Variants in RIC1 observed in about 807,000 individuals in gnomAD.
RIC1 encodes the protein RIC1 partner of RAB6A GEF complex.
In RIC1, 88 loss-of-function variants were observed where a neutral mutation model predicts 169.0. The observed-to-expected ratio is 0.52, with a 90% CI of 0.44 to 0.62. RIC1 has a LOEUF of 0.62. Among genes scored for constraint, RIC1 ranks in the 20% least tolerant of loss-of-function variants. The pLI is 0.00. For missense variants in RIC1, 1,877 were observed against 1,725.5 expected (o/e 1.09, Z -1.56); for synonymous variants, 790 against 601.5 (o/e 1.31, Z -4.59).
intron 6 of RIC1, among the ~76,000 whole-genome samples, chr9:5,727,559 C>T (rs1031943297): frequency 5.9e-5 from 9 of 152,226 alleles, no homozygotes; most frequent in African/African-American, 2.2e-4. Context: ...CAAAGTCATT[C>T]TCCATCGAGC....
At chr9:5,759,324 C>T (rs1272781816) in intron 17 of RIC1, among the ~76,000 whole-genome samples, 2 of 152,152 alleles carry the variant, frequency 1.3e-5, no homozygotes, top group African/African-American at 2.4e-5. Context: ...TGCCAAAAAT[C>T]TTGAACCCAA....
chr9:5,743,659 G>A lies in RIC1; in HGVS notation c.1047-30G>A, dbSNP rs770153821. 5.8e-6 allele frequency: 9 copies of A among 1,549,964 alleles called. 2 individuals are homozygous for A. In the South Asian group the frequency reaches 9.3e-5, roughly 16 times the overall value. On this transcript the variant is annotated intron_variant, in intron 9 of 25. Transcript: ENST00000414202. ...GTGTATTATATGTAATTGGAAGGCT[G>A]TATTATATTTAGTTTCTGTTCTGTT...
chr9:5,750,897 C>A (rs1587109781), intron 12 of RIC1, among the ~76,000 whole-genome samples: 1 of 151,764 alleles, frequency 6.6e-6, no homozygotes, highest in South Asian at 2.1e-4. Context: ...TACATAGTAT[C>A]TTTAGACACA....
At chr9:5,715,723 T>C (rs1046405916) in intron 4 of RIC1, among the ~76,000 whole-genome samples, 1 of 152,194 alleles carries the variant, frequency 6.6e-6, no homozygotes, top group Admixed American at 6.5e-5. Context: ...CATCTAACTT[T>C]TGTTATTAAT....
Position 5,738,431 on chromosome 9 carries a change from T to C in RIC1, c.813-19T>C, listed in dbSNP as rs1316034275. ...ATTTGTCTTTTTTCACTAAAAGTTTTTCGTTGTTGTTTTCACAGTGGTTCT... is the reference window on the plus strand; with the variant it reads ...ATTTGTCTTTTTTCACTAAAAGTTTCTCGTTGTTGTTTTCACAGTGGTTCT... On this transcript the variant is annotated intron_variant, in intron 7 of 25. Coordinates refer to ENST00000414202, the MANE Select transcript of RIC1 (RefSeq NM_020829.4). 1 of 1,544,416 alleles carries C rather than the reference T, an allele frequency of 6.5e-7. No homozygotes were observed. Among genetic ancestry groups the C allele is most frequent in the Non-Finnish European group, 8.8e-7 (1 of 1,132,052 alleles).
intron 7 of RIC1, among the ~76,000 whole-genome samples, chr9:5,737,445 C>G (rs970111082): frequency 7.2e-5 from 11 of 152,120 alleles, no homozygotes; most frequent in Non-Finnish European, 1.3e-4. Flanking sequence ...TTCTTTGATA[C>G]TCCCTTCTCC....
chr9:5,630,850 G>T (rs1047491930), intron 1 of RIC1, among the ~76,000 whole-genome samples: 13 of 152,130 alleles, frequency 8.5e-5, no homozygotes, highest in Admixed American at 1.3e-4. Context: ...TATGCCAGTT[G>T]AATAATTTTT....
At chr9:5,632,544 T>A (rs1029785750) in intron 1 of RIC1, among the ~76,000 whole-genome samples, 2 of 152,198 alleles carry the variant, frequency 1.3e-5, no homozygotes, top group East Asian at 3.8e-4. Context: ...CTTAGCTTTT[T>A]TATATTGGAG....
At chr9:5,721,258 A>C (rs962022208) in intron 6 of RIC1, among the ~76,000 whole-genome samples, 1 of 152,302 alleles carries the variant, frequency 6.6e-6, no homozygotes, top group East Asian at 1.9e-4. Context: ...GTACTGACGC[A>C]GAAGTTTTTG....
At chr9:5,685,692 T>G (rs1033418183) in intron 2 of RIC1, among the ~76,000 whole-genome samples, 4 of 150,726 alleles carry the variant, frequency 2.7e-5, no homozygotes, top group African/African-American at 9.8e-5. Context: ...AACCTAGGCA[T>G]TACCATTCAG....
chr9:5,676,952 C>T (rs144495612), intron 2 of RIC1, among the ~76,000 whole-genome samples: 6 of 152,244 alleles, frequency 3.9e-5, no homozygotes, highest in East Asian at 3.9e-4. Context: ...ACTTGTTTCC[C>T]GTTTGGGGCT....
At chr9:5,666,831 G>T (rs1819799667) in intron 2 of RIC1, among the ~76,000 whole-genome samples, 1 of 152,008 alleles carries the variant, frequency 6.6e-6, no homozygotes, top group Admixed American at 6.6e-5. Context: ...GTCAGTTTTG[G>T]TAGATTGTAT....
intron 4 of RIC1, among the ~76,000 whole-genome samples, chr9:5,717,773 G>A (rs1460633744): frequency 6.6e-6 from 1 of 150,574 alleles, no homozygotes; most frequent in African/African-American, 2.5e-5. Flanking sequence ...GGAGGCGGAG[G>A]TTTCAGTGAG....
Position 5,647,398 on chromosome 9 carries a change from G to A in RIC1, c.145-9185G>A, listed in dbSNP as rs144309571. Among the ~76,000 whole-genome samples, 438 of 152,288 alleles carry A rather than the reference G, an allele frequency of 2.9e-3. 4 individuals are homozygous for A. Among genetic ancestry groups the A allele is most frequent in the Non-Finnish European group, 5.2e-3 (357 of 68,022 alleles). ...ACATTGACTATGTAGATTGCTTTGG[G>A]TAGTATTGACATCTTAACAATATTA... is the stretch of plus-strand genomic sequence containing the variant. On this transcript the variant is annotated intron_variant, in intron 1 of 25. Transcript: ENST00000414202.
intron 6 of RIC1, among the ~76,000 whole-genome samples, chr9:5,726,470 A>G (rs1369010815): frequency 6.6e-6 from 1 of 152,130 alleles, no homozygotes; most frequent in Non-Finnish European, 1.5e-5. Context: ...GTAGGTCTCC[A>G]GAATACAGCA....
intron 10 of RIC1, among the ~76,000 whole-genome samples, chr9:5,744,275 A>G (rs1370030046): frequency 6.6e-6 from 1 of 152,016 alleles, no homozygotes; most frequent in Non-Finnish European, 1.5e-5. Flanking sequence ...CATGAGGTGA[A>G]ATGCTCATTG....
intron 6 of RIC1, among the ~76,000 whole-genome samples, chr9:5,726,922 T>C (rs1024561252): frequency 2.0e-5 from 3 of 152,230 alleles, no homozygotes; most frequent in Non-Finnish European, 4.4e-5. Context: ...CTTAGAGATC[T>C]GCTGTTAGTC....
intron 8 of RIC1, among the ~76,000 whole-genome samples, chr9:5,741,362 A>G (rs1825073955): frequency 6.6e-6 from 1 of 152,232 alleles, no homozygotes; most frequent in Non-Finnish European, 1.5e-5. Flanking sequence ...ATGAAGATTT[A>G]CATCTTTGAA....
chr9:5,706,336 C>T (rs1049238647), intron 3 of RIC1, among the ~76,000 whole-genome samples: 7 of 152,144 alleles, frequency 4.6e-5, no homozygotes, highest in African/African-American at 1.7e-4. Context: ...CCTGTAATCC[C>T]AGGTACTCGG....
Sources: allele counts gnomAD v4.1 joint callset (sites outside exome capture counted in the v4.1 genomes callset), GRCh38; gene constraint gnomAD v4.1.1; transcripts MANE v1.5; gene names NCBI Gene and HGNC (gene_info 2026-07-23, HGNC 2026-07-21).